The following SLC39A11 variants were observed in gnomAD, a reference collection of about 807,000 sequenced individuals.
SLC39A11 encodes solute carrier family 39 member 11, also known as zinc transporter ZIP11.
Under a neutral mutation model 36.1 loss-of-function variants are expected in SLC39A11, and 33 were observed. The ratio of observed to expected loss-of-function variants is 0.91; its 90% CI spans 0.69 to 1.22. The LOEUF is 1.22. Among genes scored for constraint, SLC39A11 ranks in the 50% most tolerant of loss-of-function variants. The pLI, the probability that SLC39A11 is intolerant of heterozygous loss-of-function variation, is 0.00. For missense variants in SLC39A11, 432 were observed against 430.3 expected (o/e 1.00, Z -0.03); for synonymous variants, 166 against 170.3 (o/e 0.97, Z 0.20).
intron 5 of SLC39A11, among the ~76,000 whole-genome samples, chr17:72,941,249 G>T (rs1275525551): frequency 2.0e-5 from 3 of 152,130 alleles, no homozygotes; most frequent in Non-Finnish European, 4.4e-5. Flanking sequence ...CTCCAGCCTG[G>T]GTGACACAGT....
In SLC39A11 at chr17:73,060,371, GT is replaced by G. The variant is rs1362183688; in HGVS notation, c.147+24436del. ...TTGTCCTTCACGTTGTCTTTATCAG[GT>G]TTTTGATAACTATAGAAAACTATTA... On this transcript the variant is annotated intron_variant, in intron 3 of 9. Coordinates refer to ENST00000255559, the MANE Select transcript of SLC39A11 (RefSeq NM_139177.4). Among the ~76,000 whole-genome samples, 3 of 151,982 alleles carry G rather than the reference GT, an allele frequency of 2.0e-5. No individual in the cohort carries two copies. The East Asian group carries it at 5.8e-4, about 29-fold the overall frequency.
chr17:72,969,486 C>T (rs548818040), intron 4 of SLC39A11, among the ~76,000 whole-genome samples: 1 of 152,192 alleles, frequency 6.6e-6, no homozygotes, highest in East Asian at 1.9e-4. Flanking sequence ...CTGTGTCATG[C>T]CTTATGGACA....
In SLC39A11 at chr17:73,012,770, T is replaced by TTTTA. The variant is rs539396611; in HGVS notation, c.306+18782_306+18785dup. ...CCATGTGTACCCAATGTTTATTTTA[T>TTTTA]TTTATTTATTTATTTATTTAGAGCC... On this transcript the variant is annotated intron_variant, in intron 4 of 9. Coordinates refer to ENST00000255559, the MANE Select transcript of SLC39A11 (RefSeq NM_139177.4). 1.2e-3 allele frequency among the ~76,000 whole-genome samples: 182 copies of TTTTA among 152,016 alleles called. 1 individual carries two copies. Among genetic ancestry groups the TTTTA allele is most frequent in the South Asian group, 8.5e-3 (41 of 4,822 alleles).
At chr17:72,905,381 A>C (rs542549169) in intron 5 of SLC39A11, among the ~76,000 whole-genome samples, 60 of 151,638 alleles carry the variant, frequency 4.0e-4, no homozygotes, top group African/African-American at 1.4e-3. Context: ...GGATCACCTG[A>C]AGTCAGGAGT....
intron 7 of SLC39A11, among the ~76,000 whole-genome samples, chr17:72,693,121 A>G (rs2144460359): frequency 6.6e-6 from 1 of 152,358 alleles, no homozygotes; most frequent in African/African-American, 2.4e-5. Flanking sequence ...GGCAAAAGGG[A>G]AAATAATGAA....
intron 4 of SLC39A11, among the ~76,000 whole-genome samples, chr17:72,976,026 C>T (rs1204837961): frequency 3.3e-5 from 5 of 151,498 alleles, no homozygotes; most frequent in East Asian, 1.9e-4. Flanking sequence ...AAAAATTAGC[C>T]GGGCGTGGTG....
At chr17:72,897,052 C>CAAAAAA (rs10656675) in intron 5 of SLC39A11, among the ~76,000 whole-genome samples, 1,164 of 64,112 alleles carry the variant, frequency 0.018, 83 homozygotes, top group African/African-American at 0.077. Context: ...GACTCTGTCT[C>CAAAAAA]AAAAAAAAAA....
chr17:72,722,855 G>C (rs60259310), intron 7 of SLC39A11, among the ~76,000 whole-genome samples: 8,137 of 152,034 alleles, frequency 0.054, 657 homozygotes, highest in African/African-American at 0.17. Flanking sequence ...AAGCCGGTCT[G>C]TATCTCCTGA....
chr17:72,877,533 C>G lies in SLC39A11; in HGVS notation c.431-27729G>C, dbSNP rs562434220. On this transcript the variant is annotated intron_variant, in intron 5 of 9. Coordinates refer to ENST00000255559, the MANE Select transcript of SLC39A11 (RefSeq NM_139177.4). ...ATCAGTTCACGATGCTTGATTGAAACCTACCAATTACTTTTCCCCCCATTT... is the reference window on the plus strand; with the variant it reads ...ATCAGTTCACGATGCTTGATTGAAAGCTACCAATTACTTTTCCCCCCATTT... Among the ~76,000 whole-genome samples, 5 of 152,312 alleles carry G rather than the reference C, an allele frequency of 3.3e-5. No homozygotes were observed. The South Asian group carries it at 1.0e-3, about 32-fold the overall frequency.
intron 5 of SLC39A11, among the ~76,000 whole-genome samples, chr17:72,920,534 T>G (rs146471806): frequency 1.5e-3 from 233 of 151,618 alleles, no homozygotes; most frequent in Non-Finnish European, 2.6e-3. Flanking sequence ...TTCTCAGATG[T>G]TCCCTAACCA....
intron 4 of SLC39A11, among the ~76,000 whole-genome samples, chr17:73,012,466 G>A (rs2090575843): frequency 6.6e-6 from 1 of 151,494 alleles, no homozygotes; most frequent in South Asian, 2.1e-4. Flanking sequence ...AGGATCGACT[G>A]AATAAGTATT....
chr17:72,846,018 CTTTTTTTTTTTT>C (rs569100122), intron 6 of SLC39A11, among the ~76,000 whole-genome samples: 29 of 57,954 alleles, frequency 5.0e-4, no homozygotes, highest in Admixed American at 2.0e-3. Flanking sequence ...CTCTCTCTCT[CTTTTTTTTTTTT>C]TTTTTTTTTT....
chr17:73,033,536 A>G (rs752459551), intron 3 of SLC39A11, among the ~76,000 whole-genome samples: 11 of 152,140 alleles, frequency 7.2e-5, no homozygotes, highest in Non-Finnish European at 1.5e-4. Flanking sequence ...TGAGCCCAGG[A>G]GTTCAAGGCC....
chr17:72,949,349 T>C (rs1203420999), intron 4 of SLC39A11, among the ~76,000 whole-genome samples: 7 of 151,710 alleles, frequency 4.6e-5, no homozygotes, highest in South Asian at 2.1e-4. Context: ...TTAGTGGAGA[T>C]AGGGTTTCAC....
intron 7 of SLC39A11, among the ~76,000 whole-genome samples, chr17:72,651,808 C>T (rs2069866212): frequency 6.6e-6 from 1 of 152,194 alleles, no homozygotes; most frequent in South Asian, 2.1e-4. Context: ...GCAGGCAGAA[C>T]TGTTCATGAA....
At chr17:72,650,459 C>A (rs532924773) in intron 7 of SLC39A11, among the ~76,000 whole-genome samples, 1 of 152,090 alleles carries the variant, frequency 6.6e-6, no homozygotes, top group African/African-American at 2.4e-5. Flanking sequence ...AGCAAATCAG[C>A]CAAAAGTCAA....
chr17:73,038,707 AAAAGAAAAAGAG>A (rs1442602207), intron 3 of SLC39A11, among the ~76,000 whole-genome samples: 2 of 147,576 alleles, frequency 1.4e-5, no homozygotes, highest in African/African-American at 5.0e-5. Context: ...ACTCTGTTGA[AAAAGAAAAAGAG>A]AAAGAGAGAG....
intron 5 of SLC39A11, among the ~76,000 whole-genome samples, chr17:72,867,995 C>T (rs1367189232): frequency 6.6e-6 from 1 of 152,218 alleles, no homozygotes; most frequent in Non-Finnish European, 1.5e-5. Context: ...TAGGGATTTT[C>T]CACTTTAACC....
At chr17:72,752,019 G>GA (rs1279219860) in intron 6 of SLC39A11, among the ~76,000 whole-genome samples, 1 of 152,178 alleles carries the variant, frequency 6.6e-6, no homozygotes, top group African/African-American at 2.4e-5. Context: ...GTGTCTCGCA[G>GA]AGCAGGACTC....
Sources: gnomAD v4.1 joint callset for allele counts (sites outside exome capture counted in the v4.1 genomes callset) on GRCh38, gnomAD v4.1.1 for gene constraint, MANE v1.5 for transcripts, NCBI Gene and HGNC (gene_info 2026-07-23, HGNC 2026-07-21) for gene names.